Variants in CERK observed in about 807,000 individuals in gnomAD.
CERK encodes ceramide kinase, also known as acylsphingosine kinase.
A neutral mutation model predicts 63.4 loss-of-function variants in CERK; 39 were observed. The observed-to-expected ratio is 0.61, with a 90% confidence interval of 0.48 to 0.80. The LOEUF (loss-of-function observed/expected upper bound fraction) is 0.80, where lower values mean the gene tolerates loss of function less well. Ranked by LOEUF, CERK falls within the 30% of genes least tolerant of loss-of-function variation. CERK has a pLI of 0.00. For missense variants in CERK, 670 were observed against 714.1 expected, an observed-to-expected ratio of 0.94 and a Z score of 0.70; for synonymous variants, 302 against 280.0, an observed-to-expected ratio of 1.08 and a Z score of -0.78.
At chr22:46,734,336 C>T (rs1244656876) in intron 1 of CERK, among the ~76,000 whole-genome samples, 6 of 149,978 alleles carry the variant, frequency 4.0e-5, no homozygotes, top group Admixed American at 1.4e-4. Context: ...ATAAAGCAGC[C>T]GGGCACAAAG....
intron 12 of CERK, among the ~76,000 whole-genome samples, chr22:46,688,739 G>C (rs1231051910): frequency 1.3e-5 from 2 of 152,262 alleles, no homozygotes; most frequent in Non-Finnish European, 2.9e-5. Flanking sequence ...TTGCAGACAG[G>C]CGTGGGCCTG....
Position 46,732,583 on chromosome 22 carries a change from C to T in CERK, c.142+5424G>A, listed in dbSNP as rs543059933. On this transcript the variant is annotated intron_variant, in intron 1 of 12. Transcript: ENST00000216264. Reference sequence around the variant, plus strand: ...ATGGAATTGTTGGGTCAAAGGATATCACTTTTTTTTTTTTTTTTTACAGTT... The same window carrying T: ...ATGGAATTGTTGGGTCAAAGGATATTACTTTTTTTTTTTTTTTTTACAGTT... Among the ~76,000 whole-genome samples the T allele has an allele frequency of 2.1e-5, 3 of 140,300 alleles. No homozygotes were observed. In the East Asian group the frequency reaches 6.9e-4, roughly 32 times the overall value. 92.0% of individuals were successfully genotyped at this position (140,300 alleles called of 152,430 possible). A position where few individuals can be genotyped will look rare whatever the true frequency, so the allele number is the denominator to read the frequency against.
rs1253301409 is a variant in CERK, at chr22:46,698,737, C to A, written c.943+576G>T. ...AAAACCCTTTGTCTACAAAAATATA[C>A]AAAAAAAAAAAAAATTAGCTGGTCA... On this transcript the variant is annotated intron_variant, in intron 8 of 12. Transcript: ENST00000216264. Among the ~76,000 whole-genome samples the A allele has an allele frequency of 5.6e-5, 8 of 143,780 alleles. No individual in the cohort carries two copies. The East Asian group carries it at 6.3e-4, about 11-fold the overall frequency. The allele number at this position is 143,780 out of a possible 152,430, so 94.3% of individuals were successfully genotyped here.
At chr22:46,693,276 CTGGGGCTAA>C in intron 10 of CERK, 142 bp downstream of exon 10, 1 of 657,226 alleles carries the variant, frequency 1.5e-6, no homozygotes, top group Non-Finnish European at 2.7e-6. Flanking sequence ...CTGACGCTGC[CTGGGGCTAA>C]GAAGAAATGG....
At position 46,687,211 on chromosome 22, in the gene CERK, A is replaced by C. The variant is rs1468602997; in HGVS notation, c.1542-5T>G. On this transcript the variant is annotated splice_polypyrimidine_tract_variant and splice_region_variant and intron_variant, in intron 12 of 12. Coordinates refer to ENST00000216264, the MANE Select transcript of CERK (RefSeq NM_022766.6). ...CGAACCAGCTGGCAGTGGACTCTGC[A>C]GAGACAAGCGGCCACGTGTAAACCC... 6.2e-7 allele frequency: 1 copy of C among 1,613,792 alleles called. No homozygotes were observed. Among genetic ancestry groups the C allele is most frequent in the East Asian group, 2.2e-5 (1 of 44,872 alleles).
At chr22:46,732,329 G>C (rs1365301183) in intron 1 of CERK, among the ~76,000 whole-genome samples, 3 of 151,864 alleles carry the variant, frequency 2.0e-5, no homozygotes, top group African/African-American at 4.8e-5. Flanking sequence ...TCCTGGACCA[G>C]CTACAGGTTC....
chr22:46,720,531 C>T (rs2082886988), intron 2 of CERK, among the ~76,000 whole-genome samples: 1 of 151,980 alleles, frequency 6.6e-6, no homozygotes, highest in Non-Finnish European at 1.5e-5. Flanking sequence ...CCCGTCTTTA[C>T]TTAAAATACA....
rs199626660 is a variant in CERK, at chr22:46,691,644, G to T, written c.1260C>A (p.Leu420=). The change falls in exon 11 of 13, where the codon CTC becomes CTA. Residue 420 remains leucine (L), a synonymous_variant. Transcript: ENST00000216264. ...ACCTGGAGCATTTCCGGATGAGGAT[G>T]AGGTCAGAAGACCCGTCTCCCAAGT... is the stretch of plus-strand genomic sequence containing the variant. The part of the protein sequence containing the change: ...AAHLGDGSSD[L]ILIRKCSRFN... 2 of 1,614,026 alleles carry T rather than the reference G, an allele frequency of 1.2e-6. No homozygotes were observed. Among genetic ancestry groups the T allele is most frequent in the African/African-American group, 2.7e-5 (2 of 75,030 alleles).
intron 10 of CERK, among the ~76,000 whole-genome samples, chr22:46,692,047 T>C (rs934780362): frequency 2.0e-5 from 3 of 152,164 alleles, no homozygotes; most frequent in African/African-American, 7.2e-5. Context: ...AGAACAAGGG[T>C]CAGCAAACCA....
intron 1 of CERK, among the ~76,000 whole-genome samples, chr22:46,734,426 C>T (rs1284845144): frequency 6.6e-6 from 1 of 151,408 alleles, no homozygotes; most frequent in African/African-American, 2.4e-5. Flanking sequence ...ATTCCATTTA[C>T]ATGAGATAAA....
intron 11 of CERK, 104 bp downstream of exon 11, chr22:46,691,468 C>T: frequency 1.0e-6 from 1 of 994,160 alleles, no homozygotes; most frequent in Non-Finnish European, 1.5e-6. Flanking sequence ...TTTGCCCTTC[C>T]TTCCCTTGAA....
chr22:46,720,988 A>G lies in CERK; in HGVS notation c.170T>C (p.Ile57Thr). 6.2e-7 allele frequency: 1 copy of G among 1,613,654 alleles called. No individual in the cohort carries two copies. Among genetic ancestry groups the G allele is most frequent in the Non-Finnish European group, 8.5e-7 (1 of 1,179,624 alleles). The change falls in exon 2 of 13, where the codon ATC (isoleucine) becomes ACC (threonine). Residue 57 changes from isoleucine (I) to threonine (T), a missense_variant. By Grantham distance (89) the Ile-to-Thr change is moderately conservative. Transcript: ENST00000216264. Reference protein sequence around the residue: ...ADACSVPVSEIIAVEETDVHG... With the variant: ...ADACSVPVSETIAVEETDVHG... ...AACGTCTGTTTCCTCAACGGCGATG[A>G]TCTCAGATACAGGCACAGAGCAGGC...
chr22:46,711,027 G>A (rs2082838118), intron 5 of CERK, 59 bp downstream of exon 5: 2 of 1,393,020 alleles, frequency 1.4e-6, no homozygotes, highest in African/African-American at 1.4e-5. Context: ...AAACTGAGAG[G>A]TGGGTAGAAC....
At chr22:46,701,788 C>A in intron 6 of CERK, 78 bp from the exon 7 acceptor site, 1 of 1,027,304 alleles carries the variant, frequency 9.7e-7, no homozygotes, top group South Asian at 1.4e-5. Context: ...GTGAGTGGTA[C>A]CTCATTCCTT....
At chr22:46,695,357 C>G (rs368958311) in intron 8 of CERK, 42 bp from the exon 9 acceptor site, 3 of 1,159,348 alleles carry the variant, frequency 2.6e-6, no homozygotes, top group Non-Finnish European at 3.9e-6. Context: ...CCACAAGGGT[C>G]ATTGCTTGGT....
rs1175602583 is a variant in CERK at position 46,684,979 on chromosome 22, T to C, written c.*2155A>G. The C allele has an allele frequency of 6.6e-6, 1 of 152,240 alleles. No individual in the cohort carries two copies. Among genetic ancestry groups the C allele is most frequent in the Non-Finnish European group, 1.5e-5 (1 of 68,048 alleles). The allele number at this position is 152,240 out of a possible 1,614,324, so 9.4% of individuals were successfully genotyped here. On this transcript the variant is annotated 3_prime_UTR_variant, in exon 13 of 13. Coordinates refer to ENST00000216264, the MANE Select transcript of CERK (RefSeq NM_022766.6). Reference sequence around the variant, plus strand: ...CCATGCGGAATGGCTGGGTTTCTTATTGAACATGAAATGCTTCCTCTTTGG... The same window carrying C: ...CCATGCGGAATGGCTGGGTTTCTTACTGAACATGAAATGCTTCCTCTTTGG...
intron 8 of CERK, among the ~76,000 whole-genome samples, chr22:46,698,153 G>A (rs987494008): frequency 6.6e-6 from 1 of 152,258 alleles, no homozygotes; most frequent in African/African-American, 2.4e-5. Flanking sequence ...AGTGAGGCAG[G>A]ATGCGGGCAA....
At chr22:46,690,989 ATGTATGTATG>A (rs2082727706) in intron 11 of CERK, among the ~76,000 whole-genome samples, 1 of 143,098 alleles carries the variant, frequency 7.0e-6, no homozygotes, top group Non-Finnish European at 1.5e-5. Context: ...ATGTGTGTAT[ATGTATGTATG>A]TGTATGTATA....
At chr22:46,715,709 A>G (rs1285657377) in intron 3 of CERK, among the ~76,000 whole-genome samples, 2 of 152,182 alleles carry the variant, frequency 1.3e-5, no homozygotes, top group Non-Finnish European at 2.9e-5. Flanking sequence ...CATAAAAAGA[A>G]AGAGGAAAAT....
Sources: gnomAD v4.1 joint callset for allele counts (sites outside exome capture counted in the v4.1 genomes callset) on GRCh38, gnomAD v4.1.1 for gene constraint, MANE v1.5 for transcripts, NCBI Gene and HGNC (gene_info 2026-07-23, HGNC 2026-07-21) for gene names.